SLC6A15: variants seen among roughly 807,000 people sequenced by gnomAD.
SLC6A15 encodes the protein solute carrier family 6 member 15, also known as sodium-dependent neutral amino acid transporter B(0)AT2.
In SLC6A15, 33 loss-of-function variants were observed where a neutral mutation model predicts 68.5. That is an observed-to-expected ratio of 0.48 (90% CI 0.37 to 0.64). The LOEUF is 0.64. Among genes scored for constraint, SLC6A15 ranks in the 30% least tolerant of loss-of-function variants. The pLI is 0.00. For synonymous variants in SLC6A15, 347 were observed against 301.0 expected (o/e 1.15, Z -1.58); for missense variants, 747 against 874.3 (o/e 0.85, Z 1.84).
At chr12:84,911,888 G>GCCTTTCGTACGGCGAAAGGCCC (rs1461130148) in intron 1 of SLC6A15, 5 of 152,238 alleles carry the variant, frequency 3.3e-5, no homozygotes, top group Admixed American at 6.6e-5. Flanking sequence ...GCAGCCACGT[G>GCCTTTCGTACGGCGAAAGGCCC]CCTTTCGTAC....
At chr12:84,910,927 C>CTCT (rs1565736492) in intron 1 of SLC6A15, among the ~76,000 whole-genome samples, 2 of 129,072 alleles carry the variant, frequency 1.5e-5, no homozygotes, top group African/African-American at 7.8e-5. Flanking sequence ...CGCCCTCTTT[C>CTCT]CGTGTGTGTG....
In SLC6A15 at chr12:84,892,233, T is replaced by C. The variant is rs1872439948; in HGVS notation, c.-113A>G. The C allele has an allele frequency of 4.1e-6, 4 of 987,044 alleles. No homozygotes were observed. Among genetic ancestry groups the C allele is most frequent in the Non-Finnish European group, 5.8e-6 (4 of 684,052 alleles). 61.1% of individuals were successfully genotyped at this position (987,044 alleles called of 1,614,324 possible). On this transcript the variant is annotated 5_prime_UTR_variant, in exon 2 of 12. The change creates a new upstream start codon in the 5' untranslated region. Transcript: ENST00000266682. ...GATAGGAAGTAAAGACCGAGGATGA[T>C]ATCAAATAAATCCTTGATTCAAGGT... is the stretch of plus-strand genomic sequence containing the variant.
At chr12:84,889,350 C>T (rs1275018558) in intron 2 of SLC6A15, among the ~76,000 whole-genome samples, 1 of 151,774 alleles carries the variant, frequency 6.6e-6, no homozygotes, top group Non-Finnish European at 1.5e-5. Flanking sequence ...ATTAGCTGGG[C>T]GCGGTGGCGG....
intron 1 of SLC6A15, among the ~76,000 whole-genome samples, chr12:84,894,315 A>G (rs1382046921): frequency 6.6e-6 from 1 of 152,206 alleles, no homozygotes; most frequent in East Asian, 1.9e-4. Flanking sequence ...GTGTTGGCAT[A>G]GTAGCAAGTG....
intron 2 of SLC6A15, among the ~76,000 whole-genome samples, chr12:84,889,238 C>T (rs1872268211): frequency 6.6e-6 from 1 of 152,158 alleles, no homozygotes; most frequent in South Asian, 2.1e-4. Context: ...TGCCTGTAGT[C>T]CCAGCACTTT....
chr12:84,887,382 T>C (rs964513296), intron 2 of SLC6A15, among the ~76,000 whole-genome samples: 2 of 152,142 alleles, frequency 1.3e-5, no homozygotes, highest in Admixed American at 1.3e-4. Flanking sequence ...AAATAATGGA[T>C]TTTTTCAAAT....
At chr12:84,897,038 C>A (rs577253202) in intron 1 of SLC6A15, among the ~76,000 whole-genome samples, 2 of 151,878 alleles carry the variant, frequency 1.3e-5, no homozygotes, top group Non-Finnish European at 2.9e-5. Context: ...TAAAAAAATA[C>A]AAAAATTAGC....
chr12:84,861,388 A>G lies in SLC6A15; in HGVS notation c.*244T>C. 1 of 376,732 alleles carries G rather than the reference A, an allele frequency of 2.7e-6. No homozygotes were observed. Among genetic ancestry groups the G allele is most frequent in the East Asian group, 3.9e-5 (1 of 25,738 alleles). The allele number at this position is 376,732 out of a possible 1,614,324, so 23.3% of individuals were successfully genotyped here. A position where few individuals can be genotyped will look rare whatever the true frequency, so the allele number is the denominator to read the frequency against. On this transcript the variant is annotated 3_prime_UTR_variant, in exon 12 of 12. Coordinates refer to ENST00000266682, the MANE Select transcript of SLC6A15 (RefSeq NM_182767.6). The stretch of plus-strand genomic sequence containing the variant: ...AAATACACCAAAGGTACTTAAAAAA[A>G]AATCCTGGCAAACATGTACCTCAGC...
At chr12:84,894,785 A>G (rs945301050) in intron 1 of SLC6A15, among the ~76,000 whole-genome samples, 2 of 152,106 alleles carry the variant, frequency 1.3e-5, no homozygotes, top group African/African-American at 4.8e-5. Context: ...ATTCTGATCA[A>G]ACTACCTGAA....
chr12:84,900,849 T>A (rs1283195622), intron 1 of SLC6A15, among the ~76,000 whole-genome samples: 1 of 151,130 alleles, frequency 6.6e-6, no homozygotes, highest in Non-Finnish European at 1.5e-5. Flanking sequence ...TATATTTTGT[T>A]ATAGATTTTC....
chr12:84,861,730 T>A lies in SLC6A15; in HGVS notation c.2095A>T (p.Ser699Cys). Residue 699 changes from serine to cysteine, a missense_variant, in exon 12 of 12, where the codon AGT becomes TGT. By Grantham distance (112) the Ser-to-Cys change is moderately radical. Transcript: ENST00000266682. ...NFGKNIYRKQ[S>C]GSPTLDTAPN... ...GCAGTATCCAGAGTTGGGGATCCAC[T>A]CTGTTTTCGATAAATATTTTTACCA... The A allele has an allele frequency of 6.2e-7, 1 of 1,613,972 alleles. No homozygotes were observed. The highest frequency in any genetic ancestry group is 8.5e-7 in the Non-Finnish European group (1 of 1,179,910).
At chr12:84,911,116 G>A (rs1333549050) in intron 1 of SLC6A15, among the ~76,000 whole-genome samples, 5 of 152,164 alleles carry the variant, frequency 3.3e-5, no homozygotes, top group African/African-American at 9.7e-5. Flanking sequence ...GAGGTTGGGT[G>A]GGTGAGGGGC....
intron 1 of SLC6A15, among the ~76,000 whole-genome samples, chr12:84,901,462 G>T (rs1226622329): frequency 2.0e-5 from 3 of 151,610 alleles, no homozygotes; most frequent in African/African-American, 7.3e-5. Flanking sequence ...CTTTATTACT[G>T]ATATTGGTAA....
chr12:84,868,105 T>C (rs1044877206), intron 9 of SLC6A15, among the ~76,000 whole-genome samples: 1 of 152,122 alleles, frequency 6.6e-6, no homozygotes, highest in Non-Finnish European at 1.5e-5. Flanking sequence ...GAGTCAATCA[T>C]ATGAACACTC....
intron 1 of SLC6A15, among the ~76,000 whole-genome samples, chr12:84,897,096 G>C (rs1872665560): frequency 6.6e-6 from 1 of 152,178 alleles, no homozygotes; most frequent in African/African-American, 2.4e-5. Flanking sequence ...AGGAGGCTGG[G>C]GCAGGAGAAT....
In SLC6A15 at chr12:84,870,689, A is replaced by C; in HGVS notation, c.1303-19T>G. 5.1e-6 allele frequency: 8 copies of C among 1,556,034 alleles called. No homozygotes were observed. The highest frequency in any genetic ancestry group is 7.1e-6 in the Non-Finnish European group (8 of 1,133,482). On this transcript the variant is annotated intron_variant, in intron 8 of 11. Transcript: ENST00000266682. The stretch of plus-strand genomic sequence containing the variant: ...GAACAGCCTGCAAAATACACAAAAT[A>C]GCAACATTAGTACAGAGTAATTATT...
Position 84,872,540 on chromosome 12 carries a change from C to G in SLC6A15, c.1302+62G>C. ...AGGCCCTTTTCCTGAAGGGAGTCTG[C>G]TGGATAATGCATATTTCAAGTGAAT... On this transcript the variant is annotated intron_variant, in intron 8 of 11. Transcript: ENST00000266682. 4 of 1,414,492 alleles carry G rather than the reference C, an allele frequency of 2.8e-6. No individual in the cohort carries two copies. The East Asian group carries it at 7.0e-5, about 25-fold the overall frequency. 87.6% of individuals were successfully genotyped at this position (1,414,492 alleles called of 1,614,324 possible).
At chr12:84,888,634 A>C (rs564049013) in intron 2 of SLC6A15, among the ~76,000 whole-genome samples, 1 of 152,304 alleles carries the variant, frequency 6.6e-6, no homozygotes, top group East Asian at 1.9e-4. Flanking sequence ...GATGGGGGAT[A>C]CGGTTAAAAA....
intron 9 of SLC6A15, 38 bp downstream of exon 9, chr12:84,870,440 G>A (rs1871238081): frequency 1.4e-6 from 2 of 1,421,994 alleles, no homozygotes; most frequent in East Asian, 4.9e-5. Flanking sequence ...AAAATGGCCT[G>A]GATTTGTTCA....
Sources: gnomAD v4.1 joint callset for allele counts (sites outside exome capture counted in the v4.1 genomes callset) on GRCh38, gnomAD v4.1.1 for gene constraint, MANE v1.5 for transcripts, NCBI Gene and HGNC (gene_info 2026-07-23, HGNC 2026-07-21) for gene names.